The following LIN7B variants were observed in gnomAD, a reference collection of about 807,000 sequenced individuals.
The protein encoded by LIN7B is lin-7 cell polarity scaffold B, also known as protein lin-7 homolog B.
In LIN7B, 16 loss-of-function variants were observed where a neutral mutation model predicts 27.9. The ratio of observed to expected loss-of-function variants is 0.57; its 90% CI spans 0.39 to 0.87. The LOEUF is 0.87. Ranked by LOEUF, LIN7B falls within the 40% of genes least tolerant of loss-of-function variation. The probability of loss-of-function intolerance (pLI) is 0.00; values close to 1 mark genes in which losing one functional copy is unlikely to be tolerated. For missense variants in LIN7B, 291 were observed against 288.5 expected, an observed-to-expected ratio of 1.01 and a Z score of -0.06; for synonymous variants, 147 against 120.8, an observed-to-expected ratio of 1.22 and a Z score of -1.42.
At chr19:49,117,282 G>C (rs898204982) in intron 4 of LIN7B, among the ~76,000 whole-genome samples, 2 of 150,674 alleles carry the variant, frequency 1.3e-5, no homozygotes, top group Admixed American at 6.6e-5. Context: ...ACTGTGGTTA[G>C]AGTTGAGGGA....
At chr19:49,117,341 C>T (rs1221814606) in intron 4 of LIN7B, among the ~76,000 whole-genome samples, 2 of 151,750 alleles carry the variant, frequency 1.3e-5, no homozygotes, top group Non-Finnish European at 2.9e-5. Context: ...ACCTGAGTGC[C>T]AGCCTGAGAA....
At chr19:49,115,419 T>A in intron 3 of LIN7B, 88 bp downstream of exon 3, 1 of 1,199,596 alleles carries the variant, frequency 8.3e-7, no homozygotes, top group Non-Finnish European at 1.2e-6. Context: ...TTCTGTTTCC[T>A]CCCTCATGAT....
At chr19:49,116,233 C>T (rs1353340424) in intron 3 of LIN7B, 30 bp from the exon 4 acceptor site, 3 of 1,593,574 alleles carry the variant, frequency 1.9e-6, no homozygotes, top group Admixed American at 1.7e-5. Context: ...TGGAAGGGGC[C>T]CTCATCTTCA....
intron 3 of LIN7B, 104 bp downstream of exon 3, chr19:49,115,435 C>G (rs746634451): frequency 9.5e-6 from 10 of 1,056,312 alleles, no homozygotes; most frequent in African/African-American, 3.2e-5. Flanking sequence ...ATGATTTTTG[C>G]TAAATCTATG....
At chr19:49,116,573 A>T in intron 4 of LIN7B, 101 bp downstream of exon 4, 1 of 1,121,408 alleles carries the variant, frequency 8.9e-7, no homozygotes, top group Non-Finnish European at 1.3e-6. Flanking sequence ...TGTTGTCTGT[A>T]TGGCTAGCCC....
intron 4 of LIN7B, among the ~76,000 whole-genome samples, chr19:49,117,004 G>C (rs1295600089): frequency 6.6e-6 from 1 of 152,088 alleles, no homozygotes; most frequent in Non-Finnish European, 1.5e-5. Context: ...CCAGCACTTT[G>C]GGAGGCTGAG....
At chr19:49,117,785 C>A (rs2040854481) in intron 4 of LIN7B, 70 bp from the exon 5 acceptor site, 7 of 1,392,392 alleles carry the variant, frequency 5.0e-6, no homozygotes, top group Admixed American at 1.7e-5. Flanking sequence ...AGCAGTGGGT[C>A]CCATCTCCCA....
chr19:49,115,443 A>T (rs550045919), intron 3 of LIN7B, 112 bp downstream of exon 3: 2 of 930,328 alleles, frequency 2.1e-6, no homozygotes, highest in Non-Finnish European at 3.3e-6. Flanking sequence ...TGCTAAATCT[A>T]TGTGCCACCT....
At chr19:49,115,941 C>T in intron 3 of LIN7B, 1 of 207,724 alleles carries the variant, frequency 4.8e-6, no homozygotes, top group Non-Finnish European at 9.7e-6. Context: ...ACCCAGGAGG[C>T]CGAGGTTGCA....
chr19:49,114,404 C>A lies in LIN7B; in HGVS notation c.-1C>A. 1 of 1,201,752 alleles carries A rather than the reference C, an allele frequency of 8.3e-7. No homozygotes were observed. The highest frequency in any genetic ancestry group is 1.0e-6 in the Non-Finnish European group (1 of 968,584). The allele number at this position is 1,201,752 out of a possible 1,614,324, so 74.4% of individuals were successfully genotyped here. A position where few individuals can be genotyped will look rare whatever the true frequency, so the allele number is the denominator to read the frequency against. ...GGGCGGCTGGCAGCTGTGGCGCCGA[C>A]ATGGCTGCGCTGGTGGAGCCGCTGG... On this transcript the variant is annotated 5_prime_UTR_variant, in exon 1 of 6. Coordinates refer to ENST00000221459, the MANE Select transcript of LIN7B (RefSeq NM_022165.3).
At position 49,117,917 on chromosome 19, in the gene LIN7B, G is replaced by A; in HGVS notation, c.501G>A (p.Val167=). The A allele has an allele frequency of 1.9e-6, 3 of 1,614,128 alleles. No homozygotes were observed. Among genetic ancestry groups the A allele is most frequent in the Non-Finnish European group, 2.5e-6 (3 of 1,179,988 alleles). ...TGCTGAAGGCGGCCCAGGGCTCGGTGAAGCTGGTTGTCCGTTACACACCGC... is the reference window on the plus strand; with the variant it reads ...TGCTGAAGGCGGCCCAGGGCTCGGTAAAGCTGGTTGTCCGTTACACACCGC... ...VELLKAAQGS[V]KLVVRYTPRV... Residue 167 remains valine, a synonymous_variant, in exon 5 of 6, where the codon GTG becomes GTA. Transcript: ENST00000221459.
At chr19:49,117,800 G>A in intron 4 of LIN7B, 55 bp from the exon 5 acceptor site, 1 of 1,530,174 alleles carries the variant, frequency 6.5e-7, no homozygotes, top group Non-Finnish European at 9.0e-7. Flanking sequence ...CTCCCAGTGG[G>A]GGCTGGACGA....
At chr19:49,117,813 GCAGCGGGCCCCAGGCT>G in intron 4 of LIN7B, 26 bp from the exon 5 acceptor site, 7 of 1,574,022 alleles carry the variant, frequency 4.4e-6, no homozygotes, top group Non-Finnish European at 6.1e-6. Context: ...CTGGACGAGG[GCAGCGGGCCCCAGGCT>G]CAGCTGTCTG....
rs1053409553 is a variant in LIN7B, at chr19:49,118,134, C to CTGACCCT, written c.602+126_602+132dup. On this transcript the variant is annotated intron_variant, in intron 5 of 5. Coordinates refer to ENST00000221459, the MANE Select transcript of LIN7B (RefSeq NM_022165.3). Reference sequence around the variant, plus strand: ...CAGCCCTGGCCCCTCCTCTGGGATCCTGACCCTTGACCCTTGGCCCAGGCT... The same window carrying CTGACCCT: ...CAGCCCTGGCCCCTCCTCTGGGATCCTGACCCTTGACCCTTGACCCTTGGCCCAGGCT... 6 of 1,507,232 alleles carry CTGACCCT rather than the reference C, an allele frequency of 4.0e-6. No homozygotes were observed. The African/African-American group carries it at 6.9e-5, about 17-fold the overall frequency. The allele number at this position is 1,507,232 out of a possible 1,614,324, so 93.4% of individuals were successfully genotyped here.
rs755780192 is a variant in LIN7B, at chr19:49,116,319, G to A, written c.285G>A (p.Glu95=). Residue 95 remains glutamate (E), a synonymous_variant, in exon 4 of 6, where the codon GAG becomes GAA. Transcript: ENST00000221459. ...GCCACGCACATCCCAGGGTAGTGGA[G>A]CTACCCAAGACGGATGAGGGCCTAG... The part of the protein sequence containing the change: ...SEGHAHPRVV[E]LPKTDEGLGF... 3 of 1,614,074 alleles carry A rather than the reference G, an allele frequency of 1.9e-6. No individual in the cohort carries two copies. Among genetic ancestry groups the A allele is most frequent in the South Asian group, 1.1e-5 (1 of 91,076 alleles).
intron 1 of LIN7B, 179 bp downstream of exon 1, chr19:49,114,620 G>A (rs2040793768): frequency 8.1e-6 from 4 of 496,288 alleles, no homozygotes; most frequent in Middle Eastern, 5.6e-4. Context: ...GGCGCGGGCC[G>A]GGACGCTGGG....
chr19:49,116,201 C>A, intron 3 of LIN7B, 62 bp from the exon 4 acceptor site: 1 of 1,464,212 alleles, frequency 6.8e-7, no homozygotes, highest in Non-Finnish European at 9.4e-7. Flanking sequence ...CCACATCCCC[C>A]ACCCCAGCTT....
chr19:49,116,568 T>A, intron 4 of LIN7B, 96 bp downstream of exon 4: 25 of 1,127,116 alleles, frequency 2.2e-5, no homozygotes, highest in Non-Finnish European at 3.1e-5. Flanking sequence ...CTGAGTGTTG[T>A]CTGTATGGCT....
At position 49,117,992 on chromosome 19, in the gene LIN7B, C is replaced by G. The variant is rs866814550; in HGVS notation, c.576C>G (p.Arg192=). 8.1e-6 allele frequency: 13 copies of G among 1,613,916 alleles called. No individual in the cohort carries two copies. In the African/African-American group the frequency reaches 1.3e-4, roughly 17 times the overall value. Residue 192 remains arginine, a synonymous_variant, in exon 5 of 6, where the codon CGC becomes CGG. Transcript: ENST00000221459. ...EARFEKMRSA[R]RRQQHQSYSS... is the part of the protein sequence containing the mutation. ...GGTTCGAGAAGATGCGCTCTGCCCG[C>G]CGGCGCCAACAGCATCAGAGCTACT...
Sources: gnomAD v4.1 joint callset for allele counts (sites outside exome capture counted in the v4.1 genomes callset) on GRCh38, gnomAD v4.1.1 for gene constraint, MANE v1.5 for transcripts, NCBI Gene and HGNC (gene_info 2026-07-23, HGNC 2026-07-21) for gene names.